The following RASA3 variants were observed in gnomAD, a reference collection of about 807,000 sequenced individuals.
RASA3 encodes ras GTPase-activating protein 3.
Under a neutral mutation model 110.0 loss-of-function variants are expected in RASA3, and 73 were observed. That is an observed-to-expected ratio of 0.66 (90% confidence interval 0.55 to 0.81). The LOEUF (loss-of-function observed/expected upper bound fraction) is 0.81. RASA3 is among the 30% of genes least tolerant of loss of function. RASA3 has a pLI of 0.00. For synonymous variants in RASA3, 500 were observed against 451.4 expected (o/e 1.11, Z -1.37); for missense variants, 976 against 1,113.2 (o/e 0.88, Z 1.75).
At chr13:113,991,855 C>T (rs1375068354) in intron 22 of RASA3, among the ~76,000 whole-genome samples, 1 of 151,562 alleles carries the variant, frequency 6.6e-6, no homozygotes, top group African/African-American at 2.4e-5. Context: ...CACACATGCA[C>T]AAATTCATGC....
intron 1 of RASA3, among the ~76,000 whole-genome samples, chr13:114,094,880 G>A (rs111763700): frequency 0.088 from 13,398 of 152,076 alleles, 648 homozygotes; most frequent in Middle Eastern, 0.15. Context: ...GGGCTCCCCC[G>A]CTCCAGAATC....
chr13:114,038,482 A>G (rs1196818024), intron 4 of RASA3, among the ~76,000 whole-genome samples: 3 of 152,256 alleles, frequency 2.0e-5, no homozygotes, highest in Non-Finnish European at 4.4e-5. Context: ...ATTAAGTGTG[A>G]CGCACAATTA....
chr13:114,053,501 G>A (rs1035451250), intron 2 of RASA3, among the ~76,000 whole-genome samples: 3 of 152,378 alleles, frequency 2.0e-5, no homozygotes, highest in South Asian at 2.1e-4. Flanking sequence ...TAGGAAAGAT[G>A]TAAGTTATTC....
chr13:114,018,303 G>A (rs41291219), intron 10 of RASA3, 51 bp from the exon 11 acceptor site: 21,185 of 1,526,988 alleles, frequency 0.014, 201 homozygotes, highest in Non-Finnish European at 0.017. Flanking sequence ...AGGAACCCCA[G>A]AGGCCTGTCC....
chr13:114,090,184 A>G (rs149687284), intron 1 of RASA3, among the ~76,000 whole-genome samples: 2 of 152,192 alleles, frequency 1.3e-5, no homozygotes, highest in African/African-American at 4.8e-5. Context: ...GCCGCACGGC[A>G]ACAGGTTTAA....
intron 1 of RASA3, among the ~76,000 whole-genome samples, chr13:114,087,269 G>A (rs982031194): frequency 6.1e-5 from 9 of 148,076 alleles, no homozygotes; most frequent in African/African-American, 2.2e-4. Context: ...CTTCGTCCTC[G>A]CGGGGAAATC....
chr13:114,053,009 A>AC (rs1421048836), intron 2 of RASA3, among the ~76,000 whole-genome samples: 1 of 59,622 alleles, frequency 1.7e-5, no homozygotes, highest in Non-Finnish European at 3.0e-5. Flanking sequence ...TGGGGGAGAG[A>AC]CCCCCGCTGC....
At chr13:114,038,762 C>G (rs1346886820) in intron 4 of RASA3, among the ~76,000 whole-genome samples, 1 of 152,246 alleles carries the variant, frequency 6.6e-6, no homozygotes, top group Non-Finnish European at 1.5e-5. Context: ...GATGAGGGTT[C>G]CAGGAGGATG....
intron 1 of RASA3, among the ~76,000 whole-genome samples, chr13:114,077,593 C>G (rs577413237): frequency 6.8e-6 from 1 of 146,828 alleles, no homozygotes; most frequent in Non-Finnish European, 1.5e-5. Flanking sequence ...CCGGATTCAT[C>G]CTTCCTCCCT....
intron 4 of RASA3, among the ~76,000 whole-genome samples, chr13:114,037,413 A>G (rs887262451): frequency 2.6e-5 from 4 of 152,302 alleles, no homozygotes; most frequent in East Asian, 3.9e-4. Context: ...CAGAAAGACC[A>G]GCAGGGTAGA....
intron 1 of RASA3, among the ~76,000 whole-genome samples, chr13:114,099,254 G>GCA (rs2079990601): frequency 6.6e-6 from 1 of 152,006 alleles, no homozygotes; most frequent in Non-Finnish European, 1.5e-5. Context: ...AGAGCCAGAA[G>GCA]CACAGCAGAC....
chr13:114,066,848 TCCAGGACTGAGAGAACAGATC>T (rs553905566), intron 2 of RASA3, among the ~76,000 whole-genome samples: 1 of 152,308 alleles, frequency 6.6e-6, no homozygotes, highest in Non-Finnish European at 1.5e-5. Flanking sequence ...GGGCCAGCAT[TCCAGGACTGAGAGAACAGATC>T]CCTGGCCTGG....
chr13:114,020,495 C>T (rs551786006), intron 9 of RASA3, among the ~76,000 whole-genome samples: 1 of 152,340 alleles, frequency 6.6e-6, no homozygotes, highest in East Asian at 1.9e-4. Flanking sequence ...GCGTGTTTCA[C>T]GGTTTCTGGG....
At chr13:113,997,441 G>C (rs7317997) in intron 20 of RASA3, among the ~76,000 whole-genome samples, 1 of 151,550 alleles carries the variant, frequency 6.6e-6, no homozygotes, top group Non-Finnish European at 1.5e-5. Flanking sequence ...TGCTGTAGTC[G>C]GCGTTGACTC....
intron 2 of RASA3, among the ~76,000 whole-genome samples, chr13:114,055,943 C>T (rs1003860795): frequency 2.6e-5 from 4 of 152,344 alleles, no homozygotes; most frequent in South Asian, 2.1e-4. Flanking sequence ...TCAGAACCAC[C>T]GGCACCGATA....
Position 114,132,512 on chromosome 13 carries a change from G to T in RASA3, c.-23C>A. The stretch of plus-strand genomic sequence containing the variant: ...CATGCTGCGCGTCCGCGCCCGCCGA[G>T]CCTCGCCCCAAGCGCGCGCCGAGCC... On this transcript the variant is annotated 5_prime_UTR_variant, in exon 1 of 24. Coordinates refer to ENST00000334062, the MANE Select transcript of RASA3 (RefSeq NM_007368.4). 1 of 1,477,094 alleles carries T rather than the reference G, an allele frequency of 6.8e-7. No homozygotes were observed. The highest frequency in any genetic ancestry group is 2.9e-5 in the East Asian group (1 of 34,150). 91.5% of individuals were successfully genotyped at this position (1,477,094 alleles called of 1,614,324 possible).
chr13:113,981,628 C>T (rs201867356), intron 23 of RASA3, 47 bp downstream of exon 23: 4 of 1,592,858 alleles, frequency 2.5e-6, no homozygotes, highest in African/African-American at 2.7e-5. Flanking sequence ...TGCAATCTCC[C>T]GCCCACTACA....
In RASA3 at chr13:113,990,957, G is replaced by A. The variant is rs111390895; in HGVS notation, c.2245+1528C>T. Among the ~76,000 whole-genome samples the A allele has an allele frequency of 2.9e-3, 337 of 116,430 alleles. 13 individuals carry two copies. The highest frequency in any genetic ancestry group is 0.011 in the African/African-American group (306 of 27,562). 76.4% of individuals were successfully genotyped at this position (116,430 alleles called of 152,430 possible). ...GGGCATGTGGGGCTGGAGAACAGGC[G>A]TGGCCAAGCTCACAGATGGGCAGCT... On this transcript the variant is annotated intron_variant, in intron 22 of 23. Coordinates refer to ENST00000334062, the MANE Select transcript of RASA3 (RefSeq NM_007368.4).
chr13:114,117,572 GCAA>G (rs2080304746), intron 1 of RASA3, among the ~76,000 whole-genome samples: 1 of 142,892 alleles, frequency 7.0e-6, no homozygotes, highest in Admixed American at 7.0e-5. Flanking sequence ...AGGGGTGCAT[GCAA>G]TGCTTCTGTA....
Sources: gnomAD v4.1 joint callset for allele counts (sites outside exome capture counted in the v4.1 genomes callset) on GRCh38, gnomAD v4.1.1 for gene constraint, MANE v1.5 for transcripts, NCBI Gene and HGNC (gene_info 2026-07-23, HGNC 2026-07-21) for gene names.